RIMS1: variants seen among roughly 807,000 people sequenced by gnomAD.
RIMS1 encodes the protein regulating synaptic membrane exocytosis protein 1.
Under a neutral mutation model 214.1 loss-of-function variants are expected in RIMS1, and 83 were observed. The observed-to-expected ratio is 0.39, with a 90% CI of 0.32 to 0.47. RIMS1 has a LOEUF of 0.47. Among genes scored for constraint, RIMS1 ranks in the 20% least tolerant of loss-of-function variants. The pLI is 0.99. For synonymous variants in RIMS1, 793 were observed against 786.8 expected, an observed-to-expected ratio of 1.01 and a Z score of -0.13; for missense variants, 2,050 against 2,161.8, an observed-to-expected ratio of 0.95 and a Z score of 1.03.
intron 11 of RIMS1, among the ~76,000 whole-genome samples, chr6:72,247,365 G>A (rs538257472): frequency 1.3e-4 from 19 of 151,920 alleles, no homozygotes; most frequent in East Asian, 3.9e-4. Flanking sequence ...GAGAAACCCC[G>A]TCTCTACTAA....
chr6:72,378,812 C>A (rs902746635), intron 29 of RIMS1, among the ~76,000 whole-genome samples: 2 of 152,152 alleles, frequency 1.3e-5, no homozygotes, highest in Non-Finnish European at 2.9e-5. Flanking sequence ...TCACTCCAGC[C>A]TGGGCGACAG....
chr6:72,096,058 G>T (rs573446616), intron 2 of RIMS1, among the ~76,000 whole-genome samples: 2 of 152,296 alleles, frequency 1.3e-5, no homozygotes, highest in South Asian at 4.1e-4. Context: ...TTAAGATTGG[G>T]ATTTGAACTG....
intron 33 of RIMS1, 137 bp from the exon 34 acceptor site, chr6:72,400,359 C>G (rs940670690): frequency 7.3e-6 from 5 of 686,328 alleles, no homozygotes; most frequent in Non-Finnish European, 1.0e-5. Context: ...TGTGCCTTCT[C>G]CTTGGTGATA....
At chr6:72,039,046 A>T (rs899808724) in intron 2 of RIMS1, among the ~76,000 whole-genome samples, 1 of 152,188 alleles carries the variant, frequency 6.6e-6, no homozygotes. Context: ...ACAATTCAAT[A>T]TTGAAAATGA....
intron 2 of RIMS1, among the ~76,000 whole-genome samples, chr6:71,989,145 G>A (rs1362489104): frequency 6.6e-6 from 1 of 152,156 alleles, no homozygotes; most frequent in African/African-American, 2.4e-5. Flanking sequence ...GGAAGGGAGA[G>A]GAGGAGATCA....
intron 4 of RIMS1, chr6:72,126,761 TAAAAAAAAAA>T (rs71540329): frequency 9.6e-5 from 12 of 124,558 alleles, no homozygotes; most frequent in South Asian, 1.8e-4. Flanking sequence ...ATTAAAAAGT[TAAAAAAAAAA>T]AAAAAAAAAA....
intron 4 of RIMS1, among the ~76,000 whole-genome samples, chr6:72,126,996 G>T (rs1195414497): frequency 6.6e-6 from 1 of 151,950 alleles, no homozygotes; most frequent in Non-Finnish European, 1.5e-5. Flanking sequence ...TGAGAATGAA[G>T]ATCCAGTTTG....
At chr6:72,186,251 T>G (rs774105883) in intron 6 of RIMS1, among the ~76,000 whole-genome samples, 3 of 152,184 alleles carry the variant, frequency 2.0e-5, no homozygotes, top group African/African-American at 4.8e-5. Context: ...AAGCAAGGTG[T>G]TATGTATGGT....
chr6:71,933,693 C>CACAG (rs942384921), intron 1 of RIMS1, among the ~76,000 whole-genome samples: 2 of 149,636 alleles, frequency 1.3e-5, no homozygotes, highest in Non-Finnish European at 3.0e-5. Context: ...CACACACACA[C>CACAG]ACACACACAC....
At chr6:72,319,323 T>C (rs1366746797) in intron 28 of RIMS1, among the ~76,000 whole-genome samples, 1 of 152,102 alleles carries the variant, frequency 6.6e-6, no homozygotes, top group Non-Finnish European at 1.5e-5. Context: ...ATTTCAGTCA[T>C]GAGGTGTAAT....
Position 72,179,889 on chromosome 6 carries a change from G to T in RIMS1, c.786G>T (p.Arg262Ser). 1.3e-6 allele frequency: 2 copies of T among 1,550,776 alleles called. No individual in the cohort carries two copies. The highest frequency in any genetic ancestry group is 8.7e-7 in the Non-Finnish European group (1 of 1,150,524). Residue 262 changes from arginine (R) to serine (S), a missense_variant, in exon 5 of 34, where the codon AGG (arginine) becomes AGT (serine). This residue lies in a region of RIMS1 where 882 missense variants were observed against 828.9 expected (regional missense o/e 1.06). Coordinates refer to ENST00000521978, the MANE Select transcript of RIMS1 (RefSeq NM_014989.7). ...CTGAACAGAAGCAGGCTTCATCCAG[G>T]TCTAGAAGTGAACCTCCTAGAGAGA... ...LGPEQKQASSRSRSEPPRERK... is the reference protein window; with the variant it reads ...LGPEQKQASSSSRSEPPRERK...
intron 1 of RIMS1, among the ~76,000 whole-genome samples, chr6:71,901,750 C>T (rs117783075): frequency 6.6e-6 from 1 of 152,172 alleles, no homozygotes; most frequent in Non-Finnish European, 1.5e-5. Flanking sequence ...TTACTTACTA[C>T]GTGTGCATTT....
chr6:71,971,615 C>T (rs996398952), intron 2 of RIMS1, among the ~76,000 whole-genome samples: 4 of 152,098 alleles, frequency 2.6e-5, no homozygotes, highest in African/African-American at 7.2e-5. Context: ...GGGCATTTTA[C>T]AAAATAAAGA....
At chr6:72,297,793 A>ACGTGGCTTTCT (rs2094239650) in intron 26 of RIMS1, among the ~76,000 whole-genome samples, 1 of 152,002 alleles carries the variant, frequency 6.6e-6, no homozygotes, top group African/African-American at 2.4e-5. Context: ...TGGCTCTCAA[A>ACGTGGCTTTCT]ACTTTGAAAG....
intron 2 of RIMS1, among the ~76,000 whole-genome samples, chr6:72,023,055 A>G (rs1815226307): frequency 6.6e-6 from 1 of 152,170 alleles, no homozygotes; most frequent in South Asian, 2.1e-4. Flanking sequence ...ACAGTTGAGA[A>G]TTGCAGGCTG....
chr6:72,243,785 A>G (rs1393781393), intron 10 of RIMS1, among the ~76,000 whole-genome samples: 1 of 151,744 alleles, frequency 6.6e-6, no homozygotes, highest in Non-Finnish European at 1.5e-5. Flanking sequence ...TGCACAGCCA[A>G]ATTCTAAACT....
At chr6:71,980,743 A>T (rs1798284983) in intron 2 of RIMS1, among the ~76,000 whole-genome samples, 1 of 152,086 alleles carries the variant, frequency 6.6e-6, no homozygotes, top group African/African-American at 2.4e-5. Flanking sequence ...GACATGGCTA[A>T]TAATAGTAAG....
intron 2 of RIMS1, among the ~76,000 whole-genome samples, chr6:72,093,721 A>C (rs2030030206): frequency 6.7e-6 from 1 of 148,252 alleles, no homozygotes; most frequent in Non-Finnish European, 1.5e-5. Flanking sequence ...ATGTTTATGT[A>C]TTTATTTATT....
intron 1 of RIMS1, among the ~76,000 whole-genome samples, chr6:71,918,341 A>C (rs972190391): frequency 6.6e-6 from 1 of 152,142 alleles, no homozygotes; most frequent in Non-Finnish European, 1.5e-5. Flanking sequence ...GAAGGGTAGA[A>C]TTAACTAATC....
Sources: allele counts gnomAD v4.1 joint callset (sites outside exome capture counted in the v4.1 genomes callset), GRCh38; gene constraint gnomAD v4.1.1; regional missense constraint gnomAD v4.1.1; transcripts MANE v1.5; gene names NCBI Gene and HGNC (gene_info 2026-07-23, HGNC 2026-07-21).